Variants in PTPRD observed in about 807,000 individuals in gnomAD.
PTPRD encodes receptor-type tyrosine-protein phosphatase delta.
In PTPRD, 34 loss-of-function variants were observed where a neutral mutation model predicts 214.5. The ratio of observed to expected loss-of-function variants is 0.16; its 90% CI spans 0.12 to 0.21. The LOEUF (loss-of-function observed/expected upper bound fraction) is 0.21, where lower values mean the gene tolerates loss of function less well. Ranked by LOEUF, PTPRD falls within the 10% of genes least tolerant of loss-of-function variation. The probability of loss-of-function intolerance (pLI) is 1.00; values close to 1 mark genes in which losing one functional copy is unlikely to be tolerated. For synonymous variants in PTPRD, 1,128 were observed against 845.7 expected (o/e 1.33, Z -5.79); for missense variants, 2,545 against 2,398.7 (o/e 1.06, Z -1.27).
At chr9:9,372,985 G>C (rs1398262311) in intron 9 of PTPRD, among the ~76,000 whole-genome samples, 2 of 151,998 alleles carry the variant, frequency 1.3e-5, no homozygotes, top group Non-Finnish European at 2.9e-5. Context: ...CCAGTTTAGA[G>C]TCTCACAAAA....
chr9:8,884,035 T>C (rs532137671), intron 11 of PTPRD, among the ~76,000 whole-genome samples: 165 of 152,360 alleles, frequency 1.1e-3, no homozygotes, highest in Admixed American at 2.7e-3. Context: ...TTTTCCATAA[T>C]TCTTATTCCC....
At chr9:10,443,845 T>TCACACACACACA (rs141638837) in intron 2 of PTPRD, among the ~76,000 whole-genome samples, 2 of 148,724 alleles carry the variant, frequency 1.3e-5, no homozygotes, top group African/African-American at 4.9e-5. Flanking sequence ...TACCTCAAAT[T>TCACACACACACA]CACACACACA....
chr9:9,531,753 C>A (rs2075524249), intron 8 of PTPRD, among the ~76,000 whole-genome samples: 3 of 151,968 alleles, frequency 2.0e-5, no homozygotes, highest in South Asian at 4.1e-4. Context: ...GTTTGAACAC[C>A]TATTTTTAAT....
At chr9:9,381,357 T>C (rs910871109) in intron 9 of PTPRD, among the ~76,000 whole-genome samples, 1 of 150,116 alleles carries the variant, frequency 6.7e-6, no homozygotes, top group Non-Finnish European at 1.5e-5. Flanking sequence ...ACATCAGTTA[T>C]GCTTTTTTTT....
At chr9:8,748,958 A>G (rs1363884433) in intron 11 of PTPRD, among the ~76,000 whole-genome samples, 2 of 152,120 alleles carry the variant, frequency 1.3e-5, no homozygotes, top group African/African-American at 4.8e-5. Flanking sequence ...AGATTGGTCC[A>G]TACACTCCAT....
intron 2 of PTPRD, among the ~76,000 whole-genome samples, chr9:10,375,928 T>C (rs763571806): frequency 1.3e-5 from 2 of 152,006 alleles, no homozygotes; most frequent in Non-Finnish European, 2.9e-5. Flanking sequence ...TCAAATCTGT[T>C]GCATATTAAC....
At chr9:10,063,418 T>C (rs532608388) in intron 3 of PTPRD, among the ~76,000 whole-genome samples, 1 of 152,036 alleles carries the variant, frequency 6.6e-6, no homozygotes, top group African/African-American at 2.4e-5. Context: ...AGTAATAACA[T>C]ATAGTATAGT....
At chr9:9,772,552 C>T (rs1485154238) in intron 5 of PTPRD, among the ~76,000 whole-genome samples, 1 of 148,312 alleles carries the variant, frequency 6.7e-6, no homozygotes, top group Non-Finnish European at 1.5e-5. Context: ...CATCAGTGGA[C>T]ACAAGCTTCT....
At chr9:9,065,120 C>T (rs941924776) in intron 10 of PTPRD, among the ~76,000 whole-genome samples, 1 of 152,220 alleles carries the variant, frequency 6.6e-6, no homozygotes, top group Non-Finnish European at 1.5e-5. Flanking sequence ...AAATCTCTTC[C>T]CTTTTGGACT....
At chr9:9,570,960 C>T (rs1306864816) in intron 8 of PTPRD, among the ~76,000 whole-genome samples, 1 of 151,382 alleles carries the variant, frequency 6.6e-6, no homozygotes, top group Non-Finnish European at 1.5e-5. Context: ...AACACGTTAG[C>T]TAACTACTAA....
intron 3 of PTPRD, among the ~76,000 whole-genome samples, chr9:10,288,242 A>T (rs1033743675): frequency 1.3e-5 from 2 of 152,016 alleles, no homozygotes; most frequent in Non-Finnish European, 2.9e-5. Context: ...AAATTAACTT[A>T]AAGCTTCCAT....
At chr9:9,472,604 G>GA (rs35048464) in intron 8 of PTPRD, among the ~76,000 whole-genome samples, 14,127 of 152,006 alleles carry the variant, frequency 0.093, 708 homozygotes, top group South Asian at 0.15. Flanking sequence ...GCATTTGAGG[G>GA]AAAAAAATAG....
intron 33 of PTPRD, among the ~76,000 whole-genome samples, chr9:8,457,804 A>G (rs1252882393): frequency 6.6e-6 from 1 of 152,134 alleles, no homozygotes; most frequent in African/African-American, 2.4e-5. Flanking sequence ...AATAATAATA[A>G]TAATACTTTC....
At chr9:10,521,064 T>C (rs1230355606) in intron 2 of PTPRD, among the ~76,000 whole-genome samples, 2 of 151,958 alleles carry the variant, frequency 1.3e-5, no homozygotes, top group South Asian at 2.1e-4. Flanking sequence ...GTAGCTTCCA[T>C]AGATAGTGAT....
intron 2 of PTPRD, among the ~76,000 whole-genome samples, chr9:10,531,953 C>A (rs1236056136): frequency 6.6e-6 from 1 of 152,074 alleles, no homozygotes; most frequent in African/African-American, 2.4e-5. Flanking sequence ...CAGAATTAAC[C>A]TTATTTAATA....
At chr9:10,212,597 T>C (rs2099522397) in intron 3 of PTPRD, among the ~76,000 whole-genome samples, 1 of 152,120 alleles carries the variant, frequency 6.6e-6, no homozygotes, top group Non-Finnish European at 1.5e-5. Flanking sequence ...CATAGTTAGA[T>C]ATATTATCAT....
intron 11 of PTPRD, among the ~76,000 whole-genome samples, chr9:8,740,092 AT>A (rs112033986): frequency 1.1e-4 from 17 of 151,954 alleles, no homozygotes; most frequent in African/African-American, 3.6e-4. Flanking sequence ...AAAAGATTTC[AT>A]TTTTTTTAAA....
At position 8,369,069 on chromosome 9, in the gene PTPRD, T is replaced by C. The variant is rs562574221; in HGVS notation, c.4661+6867A>G. 1.1e-4 allele frequency among the ~76,000 whole-genome samples: 16 copies of C among 152,266 alleles called. No homozygotes were observed. In the South Asian group the frequency reaches 3.3e-3, roughly 32 times the overall value. On this transcript the variant is annotated intron_variant, in intron 39 of 45. Transcript: ENST00000381196. Reference sequence around the variant, plus strand: ...CAGGTTTAAGGAAAACATGGGTCTATGGTTCACGTTTGTCAGCATCTCAAA... The same window carrying C: ...CAGGTTTAAGGAAAACATGGGTCTACGGTTCACGTTTGTCAGCATCTCAAA...
At chr9:9,824,437 A>T (rs1298960300) in intron 5 of PTPRD, among the ~76,000 whole-genome samples, 1 of 151,992 alleles carries the variant, frequency 6.6e-6, no homozygotes, top group Non-Finnish European at 1.5e-5. Context: ...TTCATACTAC[A>T]ATTTGCTTAA....
Sources: gnomAD v4.1 joint callset for allele counts (sites outside exome capture counted in the v4.1 genomes callset) on GRCh38, gnomAD v4.1.1 for gene constraint, MANE v1.5 for transcripts, NCBI Gene and HGNC (gene_info 2026-07-23, HGNC 2026-07-21) for gene names.